PPOX: variants seen among roughly 807,000 people sequenced by gnomAD.
The protein encoded by PPOX is variegate porphyria.
A neutral mutation model predicts 54.1 loss-of-function variants in PPOX; 23 were observed. The observed-to-expected ratio is 0.43, with a 90% confidence interval of 0.31 to 0.60. The LOEUF is 0.60. Ranked by LOEUF, PPOX falls within the 20% of genes least tolerant of loss-of-function variation. PPOX has a pLI of 0.13. For missense variants in PPOX, 512 were observed against 601.1 expected (o/e 0.85, Z 1.55); for synonymous variants, 224 against 236.1 (o/e 0.95, Z 0.47).
Position 161,167,400 on chromosome 1 carries a change from G to C in PPOX, c.252G>C (p.Val84=). The C allele has an allele frequency of 6.2e-7, 1 of 1,613,924 alleles. No homozygotes were observed. Among genetic ancestry groups the C allele is most frequent in the East Asian group, 2.2e-5 (1 of 44,858 alleles). Residue 84 remains valine (V), a synonymous_variant, in exon 4 of 13, where the codon GTG becomes GTC. Coordinates refer to ENST00000367999, the MANE Select transcript of PPOX (RefSeq NM_001122764.3). ...LVSELGLDSE[V]LPVRGDHPAA... is the part of the protein sequence containing the mutation. ...CTGAGCTTGGCTTGGATTCAGAAGT[G>C]CTGCCTGTCCGGGGAGACCACCCAG...
downstream of PPOX, chr1:161,171,516 G>A (rs1346321515): frequency 1.7e-6 from 1 of 578,358 alleles, no homozygotes; most frequent in East Asian, 3.0e-5. Context: ...GGAAGAGGGA[G>A]GGGCTTGGGG....
downstream of PPOX, chr1:161,174,115 A>C: frequency 6.5e-7 from 1 of 1,546,068 alleles, no homozygotes; most frequent in Non-Finnish European, 8.8e-7. Context: ...GGGCTAAAGA[A>C]TAAAAGTGAA....
chr1:161,166,691 A>G lies in PPOX; in HGVS notation c.-9+19A>G. The G allele has an allele frequency of 6.6e-7, 1 of 1,521,090 alleles. No individual in the cohort carries two copies. Among genetic ancestry groups the G allele is most frequent in the Non-Finnish European group, 8.8e-7 (1 of 1,138,676 alleles). 94.2% of individuals were successfully genotyped at this position (1,521,090 alleles called of 1,614,324 possible). A position where few individuals can be genotyped will look rare whatever the true frequency, so the allele number is the denominator to read the frequency against. ...ATTGTGGGTGAGTCCTGGCCCCTGG[A>G]CGGGGACCTCGCTGTTCCACCAGCC... On this transcript the variant is annotated intron_variant, in intron 1 of 12. Coordinates refer to ENST00000367999, the MANE Select transcript of PPOX (RefSeq NM_001122764.3).
rs778490287 is a variant in PPOX at position 161,171,153 on chromosome 1, C to T, written c.1411C>T (p.Leu471=). Residue 471 remains leucine (L), a synonymous_variant, in exon 13 of 13, where the codon CTG becomes TTG. Transcript: ENST00000367999. The part of the protein sequence containing the change: ...ESGRQAAVSV[L]GTEPNS ...TGGGCGCCAGGCAGCAGTCAGTGTCCTGGGCACAGAACCTAACAGCTGATC... is the reference window on the plus strand; with the variant it reads ...TGGGCGCCAGGCAGCAGTCAGTGTCTTGGGCACAGAACCTAACAGCTGATC... 14 of 1,613,326 alleles carry T rather than the reference C, an allele frequency of 8.7e-6. No homozygotes were observed.
In PPOX at chr1:161,166,829, C is replaced by CT; in HGVS notation, c.-8-8dup. The CT allele has an allele frequency of 6.2e-7, 1 of 1,612,584 alleles. No homozygotes were observed. The highest frequency in any genetic ancestry group is 8.5e-7 in the Non-Finnish European group (1 of 1,179,994). Reference sequence around the variant, plus strand: ...CCGGTCTGCCTGTCCATATCGCCCCCTTTCCCCCAGGTTTCCGCATGGGCC... The same window carrying CT: ...CCGGTCTGCCTGTCCATATCGCCCCCTTTTCCCCCAGGTTTCCGCATGGGCC... On this transcript the variant is annotated splice_polypyrimidine_tract_variant and intron_variant, in intron 1 of 12. Transcript: ENST00000367999.
downstream of PPOX, chr1:161,172,025 G>A: frequency 1.2e-6 from 2 of 1,614,202 alleles, no homozygotes; most frequent in Non-Finnish European, 1.7e-6. Flanking sequence ...GCCAGCAACT[G>A]GTATGTCAGT....
downstream of PPOX, chr1:161,176,084 G>A: frequency 6.2e-7 from 1 of 1,611,968 alleles, no homozygotes; most frequent in Non-Finnish European, 8.5e-7. Flanking sequence ...TCTAGGGAGG[G>A]AGAGGGGAAT....
downstream of PPOX, chr1:161,171,978 T>C (rs1279173999): frequency 6.2e-7 from 1 of 1,614,048 alleles, no homozygotes; most frequent in Non-Finnish European, 8.5e-7. Flanking sequence ...TCCCAATGTC[T>C]GCTGTGATGT....
At chr1:161,172,534 GC>G, downstream of PPOX, 1 of 571,424 alleles carries the variant, frequency 1.8e-6, no homozygotes, top group Admixed American at 3.5e-5. Flanking sequence ...AGGGCCCAGT[GC>G]CAGTCACCCT....
At chr1:161,173,989 G>A (rs1395526298), downstream of PPOX, 3 of 1,613,898 alleles carry the variant, frequency 1.9e-6, no homozygotes, top group African/African-American at 2.7e-5. Flanking sequence ...TCTTCATCAC[G>A]CAGGGCCTCT....
intron 7 of PPOX, 200 bp from the exon 8 acceptor site, chr1:161,169,460 G>A: frequency 1.4e-6 from 1 of 721,450 alleles, no homozygotes; most frequent in Non-Finnish European, 2.4e-6. Flanking sequence ...ACACTGGCCT[G>A]TCTGGTCCAC....
At chr1:161,176,772 C>CCA (rs1663694364) in intron 4 of PPOX, 1 of 1,291,534 alleles carries the variant, frequency 7.7e-7, no homozygotes, top group Non-Finnish European at 1.1e-6. Flanking sequence ...TACTTAACCA[C>CCA]CCCCGTACCC....
rs140789684 is a variant in PPOX, at chr1:161,170,682, G to C, written c.1161G>C (p.Glu387Asp). The C allele has an allele frequency of 2.3e-5, 37 of 1,614,064 alleles. No individual in the cohort carries two copies. The highest frequency in any genetic ancestry group is 4.0e-5 in the African/African-American group (3 of 74,922). ...LEASGCVLSQ[E>D]LFQQRAQEAA... ...CTAGTGGCTGTGTCTTATCTCAGGA[G>C]CTGTTTCAACAGCGGGCCCAGGAAG... The change falls in exon 11 of 13, where the codon GAG (glutamate) becomes GAC (aspartate). Residue 387 changes from glutamate to aspartate, a missense_variant. Transcript: ENST00000367999.
intron 3 of PPOX, 30 bp downstream of exon 3, chr1:161,167,264 G>A (rs377253240): frequency 5.8e-5 from 93 of 1,614,064 alleles, no homozygotes; most frequent in Non-Finnish European, 7.6e-5. Context: ...TCTAGGAGAG[G>A]TTGTGGAGGG....
rs1219315274 is a variant in PPOX, at chr1:161,166,566, T to TA, written c.-114dup. 1 of 1,404,368 alleles carries TA rather than the reference T, an allele frequency of 7.1e-7. No homozygotes were observed. Among genetic ancestry groups the TA allele is most frequent in the Non-Finnish European group, 9.3e-7 (1 of 1,080,048 alleles). 87.0% of individuals were successfully genotyped at this position (1,404,368 alleles called of 1,614,324 possible). A position where few individuals can be genotyped will look rare whatever the true frequency, so the allele number is the denominator to read the frequency against. On this transcript the variant is annotated 5_prime_UTR_variant, in exon 1 of 13. Coordinates refer to ENST00000367999, the MANE Select transcript of PPOX (RefSeq NM_001122764.3). Reference sequence around the variant, plus strand: ...GCCGCCCGAGCCCTGCGAGGGCCGATAGCGAGGGTGTGGCCCTTATCTGCA... The same window carrying TA: ...GCCGCCCGAGCCCTGCGAGGGCCGATAAGCGAGGGTGTGGCCCTTATCTGCA...
downstream of PPOX, chr1:161,172,295 G>A (rs745804708): frequency 1.9e-6 from 3 of 1,613,870 alleles, no homozygotes; most frequent in African/African-American, 1.3e-5. Context: ...CTACAGATGT[G>A]GGGGGCCGAG....
downstream of PPOX, chr1:161,177,182 G>A: frequency 9.4e-7 from 1 of 1,064,858 alleles, no homozygotes; most frequent in South Asian, 1.5e-5. Context: ...AGAGGGGCGT[G>A]GTCCGCGCTG....
At chr1:161,177,001 T>C in exon 5 of PPOX, 3 of 1,535,908 alleles carry the variant, frequency 2.0e-6, no homozygotes, top group Middle Eastern at 1.7e-4. Flanking sequence ...ACCTGGGGGC[T>C]GTAAGCGAAC....
rs372025313 is a variant in PPOX, at chr1:161,171,209, C to T, written c.*33C>T. ...CTCTCATTCATGAAAATAAAAATTGCTGGAGCTTGGCTTGGTCTGGCTGTT... is the reference window on the plus strand; with the variant it reads ...CTCTCATTCATGAAAATAAAAATTGTTGGAGCTTGGCTTGGTCTGGCTGTT... On this transcript the variant is annotated 3_prime_UTR_variant, in exon 13 of 13. Transcript: ENST00000367999. 84 of 1,612,514 alleles carry T rather than the reference C, an allele frequency of 5.2e-5. 1 individual carries two copies. In the South Asian group the frequency reaches 7.3e-4, roughly 14 times the overall value.
Sources: allele counts gnomAD v4.1 joint callset, GRCh38; gene constraint gnomAD v4.1.1; transcripts MANE v1.5; gene names NCBI Gene and HGNC (gene_info 2026-07-23, HGNC 2026-07-21).